The following IMMP2L variants were observed in gnomAD, a reference collection of about 807,000 sequenced individuals.
IMMP2L encodes the protein mitochondrial inner membrane protease subunit 2.
IMMP2L carries 18 observed loss-of-function variants against 19.3 expected under a neutral mutation model. The ratio of observed to expected loss-of-function variants is 0.93; its 90% CI spans 0.64 to 1.38. The LOEUF is 1.38. Among genes scored for constraint, IMMP2L ranks in the 40% most tolerant of loss-of-function variants. The pLI is 0.00. For synonymous variants in IMMP2L, 76 were observed against 73.0 expected (o/e 1.04, Z -0.21); for missense variants, 233 against 218.2 (o/e 1.07, Z -0.43).
At chr7:110,872,613 T>C (rs1808647891) in intron 5 of IMMP2L, among the ~76,000 whole-genome samples, 1 of 152,112 alleles carries the variant, frequency 6.6e-6, no homozygotes, top group Admixed American at 6.6e-5. Context: ...AGATACCTGA[T>C]CCAAACTATG....
intron 3 of IMMP2L, among the ~76,000 whole-genome samples, chr7:111,423,477 T>C (rs1387449526): frequency 1.3e-5 from 2 of 151,902 alleles, no homozygotes; most frequent in Non-Finnish European, 2.9e-5. Flanking sequence ...TATCCACTTC[T>C]TCTAGATTTT....
intron 5 of IMMP2L, among the ~76,000 whole-genome samples, chr7:110,875,024 T>C: frequency 6.6e-6 from 1 of 152,082 alleles, no homozygotes; most frequent in East Asian, 1.9e-4. Flanking sequence ...CATGGCCTAA[T>C]GACCTCTTAA....
chr7:111,514,771 C>A (rs1369965040), intron 2 of IMMP2L, among the ~76,000 whole-genome samples: 1 of 151,996 alleles, frequency 6.6e-6, no homozygotes, highest in Non-Finnish European at 1.5e-5. Context: ...TACTTTTATT[C>A]TTGCCATATT....
At chr7:110,847,039 C>T (rs1805735689) in intron 5 of IMMP2L, among the ~76,000 whole-genome samples, 1 of 152,130 alleles carries the variant, frequency 6.6e-6, no homozygotes, top group South Asian at 2.1e-4. Flanking sequence ...ATCAATATCA[C>T]AGTTAAGAAA....
intron 3 of IMMP2L, among the ~76,000 whole-genome samples, chr7:111,359,831 A>C (rs561000583): frequency 2.0e-5 from 3 of 152,180 alleles, no homozygotes; most frequent in Non-Finnish European, 4.4e-5. Context: ...AAGAAGAGGA[A>C]ATAAATGCAA....
At chr7:111,491,620 G>A (rs1190136374) in intron 2 of IMMP2L, among the ~76,000 whole-genome samples, 1 of 152,156 alleles carries the variant, frequency 6.6e-6, no homozygotes, top group African/African-American at 2.4e-5. Context: ...TGGTGCTGAG[G>A]AATGGAGCTT....
chr7:111,553,942 T>G (rs1273597403), intron 1 of IMMP2L, among the ~76,000 whole-genome samples: 1 of 152,156 alleles, frequency 6.6e-6, no homozygotes, highest in African/African-American at 2.4e-5. Context: ...GCAAAACAGG[T>G]AGGCAGGACG....
chr7:110,692,310 T>C (rs965778599), intron 5 of IMMP2L, among the ~76,000 whole-genome samples: 7 of 152,196 alleles, frequency 4.6e-5, no homozygotes, highest in East Asian at 1.9e-4. Flanking sequence ...CAAAGGCATA[T>C]AGAGTGGTAT....
At chr7:110,959,176 G>T (rs1818674864) in intron 4 of IMMP2L, among the ~76,000 whole-genome samples, 1 of 151,916 alleles carries the variant, frequency 6.6e-6, no homozygotes. Flanking sequence ...AGGACTGTTT[G>T]CTTGATCATT....
chr7:110,759,756 C>A (rs17399012), intron 5 of IMMP2L, among the ~76,000 whole-genome samples: 85 of 151,872 alleles, frequency 5.6e-4, no homozygotes, highest in South Asian at 2.1e-4. Context: ...CTAGGGGAAC[C>A]CTGACATCAA....
intron 3 of IMMP2L, among the ~76,000 whole-genome samples, chr7:111,443,875 T>C (rs1392076552): frequency 1.3e-5 from 2 of 152,072 alleles, no homozygotes; most frequent in Non-Finnish European, 2.9e-5. Context: ...TTTTTATCTA[T>C]TAGAAGGAAG....
intron 3 of IMMP2L, among the ~76,000 whole-genome samples, chr7:111,152,221 T>C (rs1329071045): frequency 1.3e-5 from 2 of 152,166 alleles, no homozygotes. Flanking sequence ...GTAATATTAA[T>C]TGCTATTAAT....
rs140532097 is a variant in IMMP2L, at chr7:110,773,343, A to G, written c.409-109622T>C. Reference sequence around the variant, plus strand: ...TAAATTTACCTCCTAATTGGCTGAGACACAGCCACAAAAAATTCAGGTGTT... The same window carrying G: ...TAAATTTACCTCCTAATTGGCTGAGGCACAGCCACAAAAAATTCAGGTGTT... On this transcript the variant is annotated intron_variant, in intron 5 of 5. Transcript: ENST00000405709. 3.7e-3 allele frequency among the ~76,000 whole-genome samples: 558 copies of G among 152,308 alleles called. 4 individuals are homozygous for G. The highest frequency in any genetic ancestry group is 0.013 in the African/African-American group (540 of 41,578).
intron 5 of IMMP2L, among the ~76,000 whole-genome samples, chr7:110,883,399 G>A (rs1211474216): frequency 1.3e-5 from 2 of 151,896 alleles, no homozygotes; most frequent in East Asian, 1.9e-4. Flanking sequence ...ACACTCTAGG[G>A]GGCTAATGTT....
At chr7:111,493,521 T>C (rs1462721732) in intron 2 of IMMP2L, among the ~76,000 whole-genome samples, 2 of 145,208 alleles carry the variant, frequency 1.4e-5, no homozygotes, top group Non-Finnish European at 3.0e-5. Context: ...GCTAACACGG[T>C]GAAACCCCGT....
intron 5 of IMMP2L, among the ~76,000 whole-genome samples, chr7:110,825,038 C>T (rs1005354268): frequency 6.6e-6 from 1 of 152,018 alleles, no homozygotes; most frequent in African/African-American, 2.4e-5. Flanking sequence ...CACTCTTATA[C>T]ACCAGTAACA....
chr7:111,275,654 G>A (rs1020534110), intron 3 of IMMP2L, among the ~76,000 whole-genome samples: 2 of 152,128 alleles, frequency 1.3e-5, no homozygotes, highest in Non-Finnish European at 2.9e-5. Flanking sequence ...TAGATTTAAT[G>A]ATAATGATTC....
chr7:110,692,779 T>C (rs1793608181), intron 5 of IMMP2L, among the ~76,000 whole-genome samples: 1 of 152,188 alleles, frequency 6.6e-6, no homozygotes, highest in Non-Finnish European at 1.5e-5. Flanking sequence ...AATCAAAATA[T>C]TGTTTATTCT....
chr7:110,802,605 C>A (rs1333862780), intron 5 of IMMP2L, among the ~76,000 whole-genome samples: 1 of 151,982 alleles, frequency 6.6e-6, no homozygotes, highest in East Asian at 1.9e-4. Context: ...ATACGGTCTT[C>A]TATTCAGAAT....
Sources: allele counts gnomAD v4.1 joint callset (sites outside exome capture counted in the v4.1 genomes callset), GRCh38; gene constraint gnomAD v4.1.1; transcripts MANE v1.5; gene names NCBI Gene and HGNC (gene_info 2026-07-23, HGNC 2026-07-21).